GAL3ST1: variants seen among roughly 807,000 people sequenced by gnomAD.
GAL3ST1 encodes the protein galactosylceramide sulfotransferase.
In GAL3ST1, 13 loss-of-function variants were observed where a neutral mutation model predicts 25.0. The ratio of observed to expected loss-of-function variants is 0.52; its 90% CI spans 0.34 to 0.83. The LOEUF (loss-of-function observed/expected upper bound fraction) is 0.83, where lower values mean the gene tolerates loss of function less well. Among genes scored for constraint, GAL3ST1 ranks in the 40% least tolerant of loss-of-function variants. The pLI is 0.02. For synonymous variants in GAL3ST1, 274 were observed against 277.8 expected (o/e 0.99, Z 0.14); for missense variants, 474 against 613.6 (o/e 0.77, Z 2.40).
Position 30,567,582 on chromosome 22 carries a change from C to T in GAL3ST1, c.-120+6884G>A, listed in dbSNP as rs541132304. ...GTGTGAGCCATGGAGCCCAGATGCA[C>T]GTGCTTCTTTGGGGACATATTTTGT... On this transcript the variant is annotated intron_variant, in intron 1 of 3. Transcript: ENST00000406361. Among the ~76,000 whole-genome samples the T allele has an allele frequency of 1.3e-3, 197 of 151,222 alleles. 1 individual carries two copies. Among genetic ancestry groups the T allele is most frequent in the Admixed American group, 1.9e-3 (29 of 15,198 alleles).
intron 1 of GAL3ST1, among the ~76,000 whole-genome samples, chr22:30,566,997 C>T (rs1361668311): frequency 1.3e-5 from 2 of 151,960 alleles, no homozygotes; most frequent in African/African-American, 4.8e-5. Flanking sequence ...CACTCTGTTG[C>T]CCAGGCTGGA....
intron 1 of GAL3ST1, among the ~76,000 whole-genome samples, chr22:30,559,171 T>G (rs772159085): frequency 2.6e-5 from 4 of 152,106 alleles, no homozygotes; most frequent in Admixed American, 2.6e-4. Flanking sequence ...AAAAAAAAAT[T>G]ATTCAAACTT....
chr22:30,556,015 C>T lies in GAL3ST1; in HGVS notation c.210G>A (p.Gly70=). The change falls in exon 4 of 4, where the codon GGG becomes GGA. Residue 70 remains glycine, a synonymous_variant. Coordinates refer to ENST00000406361, the MANE Select transcript of GAL3ST1 (RefSeq NM_001318104.2). The part of the protein sequence containing the change: ...EAVIRANGSA[G]ECQPRRNIVF... ...CGATGTTGCGCCGCGGCTGGCACTC[C>T]CCCGCCGAGCCGTTGGCCCGGATCA... is the stretch of plus-strand genomic sequence containing the variant. 1 of 1,612,588 alleles carries T rather than the reference C, an allele frequency of 6.2e-7. No individual in the cohort carries two copies. Among genetic ancestry groups the T allele is most frequent in the South Asian group, 1.1e-5 (1 of 91,080 alleles).
rs752303085 is a variant in GAL3ST1 at position 30,555,307 on chromosome 22, G to T, written c.918C>A (p.His306Gln). ...RATAWNMLDS[H>Q]LYRHFNASFW... ...AGCTGGCGTTGAAGTGGCGGTAGAGGTGGGAGTCCAGCATGTTCCAGGCGG... is the reference window on the plus strand; with the variant it reads ...AGCTGGCGTTGAAGTGGCGGTAGAGTTGGGAGTCCAGCATGTTCCAGGCGG... The change falls in exon 4 of 4, where the codon CAC becomes CAA. Residue 306 changes from histidine to glutamine, a missense_variant. His to Gln is a conservative substitution (Grantham distance 24). This residue lies in a region of GAL3ST1 where 359 missense variants were observed against 504.4 expected (regional missense o/e 0.71). Transcript: ENST00000406361. This position sits in a 1 kb window ranked among gnomAD's most constrained non-coding sequence, Gnocchi z 8.6. 6 of 1,604,202 alleles carry T rather than the reference G, an allele frequency of 3.7e-6. No homozygotes were observed. In the African/African-American group the frequency reaches 5.3e-5, roughly 14 times the overall value.
chr22:30,557,153 G>A lies in GAL3ST1; in HGVS notation c.131+109C>T, dbSNP rs1301055806. The A allele has an allele frequency of 3.6e-6, 4 of 1,116,796 alleles. No homozygotes were observed. In the African/African-American group the frequency reaches 6.2e-5, roughly 17 times the overall value. 69.2% of individuals were successfully genotyped at this position (1,116,796 alleles called of 1,614,324 possible). On this transcript the variant is annotated intron_variant, in intron 3 of 3. Coordinates refer to ENST00000406361, the MANE Select transcript of GAL3ST1 (RefSeq NM_001318104.2). Reference sequence around the variant, plus strand: ...CACAGCATGGTGCAGGGTGCAGGGTGGCTACCCAAGATCACTGGGGCAGGC... The same window carrying A: ...CACAGCATGGTGCAGGGTGCAGGGTAGCTACCCAAGATCACTGGGGCAGGC...
At position 30,557,462 on chromosome 22, in the gene GAL3ST1, G is replaced by C. The variant is rs754573941; in HGVS notation, c.-9-61C>G. 5 of 1,593,966 alleles carry C rather than the reference G, an allele frequency of 3.1e-6. No homozygotes were observed. In the African/African-American group the frequency reaches 4.0e-5, roughly 13 times the overall value. On this transcript the variant is annotated intron_variant, in intron 2 of 3. Coordinates refer to ENST00000406361, the MANE Select transcript of GAL3ST1 (RefSeq NM_001318104.2). ...AAGCTGGCCCCAGGGAGCCCCCAAG[G>C]CTGCCCAGGCCTGGCAGTTGAGCCC...
intron 1 of GAL3ST1, among the ~76,000 whole-genome samples, chr22:30,569,616 G>A (rs941559006): frequency 6.6e-5 from 10 of 151,960 alleles, no homozygotes; most frequent in South Asian, 2.1e-4. Flanking sequence ...AGAGGTAGGC[G>A]GGGAGCTGGG....
chr22:30,564,328 T>A (rs1252822608), intron 1 of GAL3ST1, among the ~76,000 whole-genome samples: 1 of 152,144 alleles, frequency 6.6e-6, no homozygotes, highest in Non-Finnish European at 1.5e-5. Flanking sequence ...GGCAGCCAAG[T>A]CCAGGGATGA....
Position 30,565,214 on chromosome 22 carries a change from CAG to C in GAL3ST1, c.-119-6828_-119-6827del, listed in dbSNP as rs945510999. ...ACAGGCTCTAAGGCTGAGTGAGGGACAGAGAGGTGCAGGTGGGCTGGGGTGCC... is the reference window on the plus strand; with the variant it reads ...ACAGGCTCTAAGGCTGAGTGAGGGACAGAGGTGCAGGTGGGCTGGGGTGCC... On this transcript the variant is annotated intron_variant, in intron 1 of 3. Transcript: ENST00000406361. 47 of 152,430 alleles carry C rather than the reference CAG, an allele frequency of 3.1e-4. 1 individual carries two copies. Among genetic ancestry groups the C allele is most frequent in the Admixed American group, 3.0e-3 (46 of 15,306 alleles). 9.4% of individuals were successfully genotyped at this position (152,430 alleles called of 1,614,324 possible).
chr22:30,555,702 G>A lies in GAL3ST1; in HGVS notation c.523C>T (p.His175Tyr). 1 of 1,613,948 alleles carries A rather than the reference G, an allele frequency of 6.2e-7. No individual in the cohort carries two copies. The highest frequency in any genetic ancestry group is 8.5e-7 in the Non-Finnish European group (1 of 1,180,042). The change falls in exon 4 of 4, where the codon CAC becomes TAC. Residue 175 changes from histidine to tyrosine, a missense_variant. His to Tyr is a moderately conservative substitution (Grantham distance 83). Around this residue, in one of 2 missense-constraint regions of GAL3ST1, gnomAD observed 359 missense variants for 504.4 expected, o/e 0.71. Coordinates refer to ENST00000406361, the MANE Select transcript of GAL3ST1 (RefSeq NM_001318104.2). This position sits in a 1 kb window ranked among gnomAD's most constrained non-coding sequence, Gnocchi z 8.6. Reference protein sequence around the residue: ...DPARLFESSFHYFGPVVPLTW... With the variant: ...DPARLFESSFYYFGPVVPLTW... The stretch of plus-strand genomic sequence containing the variant: ...AGGGGCACCACCGGCCCGAAGTAGT[G>A]GAAGGAGGACTCGAACAAGCGGGCG...
intron 1 of GAL3ST1, among the ~76,000 whole-genome samples, chr22:30,564,560 G>A (rs1285995707): frequency 6.6e-6 from 1 of 152,166 alleles, no homozygotes; most frequent in Non-Finnish European, 1.5e-5. Flanking sequence ...ATCTATTCCT[G>A]CCCTTCTAGA....
Position 30,555,048 on chromosome 22 carries a change from T to C in GAL3ST1, c.1177A>G (p.Met393Val). ...AGGTACTGGATCTCGGGCGTGAGCA[T>C]GCGCCGGCAGAGCTGCGCGTGCCGC... is the stretch of plus-strand genomic sequence containing the variant. The part of the protein sequence containing the change: ...GQRHAQLCRR[M>V]LTPEIQYLMD... Residue 393 changes from methionine to valine, a missense_variant, in exon 4 of 4, where the codon ATG (methionine) becomes GTG (valine). Around this residue, in one of 2 missense-constraint regions of GAL3ST1, gnomAD observed 359 missense variants for 504.4 expected, o/e 0.71. Transcript: ENST00000406361. This position sits in a 1 kb window ranked among gnomAD's most constrained non-coding sequence, Gnocchi z 8.6. The C allele has an allele frequency of 1.2e-6, 2 of 1,612,078 alleles. No homozygotes were observed. The highest frequency in any genetic ancestry group is 1.7e-6 in the Non-Finnish European group (2 of 1,179,090).
Position 30,555,414 on chromosome 22 carries a change from C to T in GAL3ST1, c.811G>A (p.Glu271Lys), listed in dbSNP as rs2146326182. 1 of 1,610,792 alleles carries T rather than the reference C, an allele frequency of 6.2e-7. No homozygotes were observed. The highest frequency in any genetic ancestry group is 8.5e-7 in the Non-Finnish European group (1 of 1,179,924). ...TTGAGCTTGAAGTAGAGCACGTCCT[C>T]CAGCTCCCAGCACAGCAGGTCCTTC... is the stretch of plus-strand genomic sequence containing the variant. Reference protein sequence around the residue: ...LLKDLLCWELEDVLYFKLNAR... With the variant: ...LLKDLLCWELKDVLYFKLNAR... The change falls in exon 4 of 4, where the codon GAG (glutamate) becomes AAG (lysine). Residue 271 changes from glutamate (E) to lysine (K), a missense_variant. This residue lies in a region of GAL3ST1 where 359 missense variants were observed against 504.4 expected (regional missense o/e 0.71). Transcript: ENST00000406361. The surrounding 1 kb of genome is among the most constrained non-coding windows in gnomAD (Gnocchi z 8.6).
chr22:30,562,934 C>A (rs1372103853), intron 1 of GAL3ST1, among the ~76,000 whole-genome samples: 2 of 151,958 alleles, frequency 1.3e-5, no homozygotes, highest in African/African-American at 4.8e-5. Context: ...GGCCAACATG[C>A]TGAAACACCG....
At chr22:30,561,448 C>T (rs2086405189) in intron 1 of GAL3ST1, among the ~76,000 whole-genome samples, 1 of 152,246 alleles carries the variant, frequency 6.6e-6, no homozygotes, top group Non-Finnish European at 1.5e-5. Flanking sequence ...CCCCACCCTG[C>T]TGTCACCCCC....
chr22:30,555,994 G>A lies in GAL3ST1; in HGVS notation c.231C>T (p.Asn77=), dbSNP rs778388454. The A allele has an allele frequency of 5.6e-6, 9 of 1,612,750 alleles. No homozygotes were observed. Among genetic ancestry groups the A allele is most frequent in the South Asian group, 1.1e-5 (1 of 91,084 alleles). The part of the protein sequence containing the change: ...GSAGECQPRR[N]IVFLKTHKTA... ...TCTTGTGCGTCTTCAAGAACACGAT[G>A]TTGCGCCGCGGCTGGCACTCCCCCG... is the stretch of plus-strand genomic sequence containing the variant. Residue 77 remains asparagine, a synonymous_variant, in exon 4 of 4, where the codon AAC becomes AAT. Coordinates refer to ENST00000406361, the MANE Select transcript of GAL3ST1 (RefSeq NM_001318104.2). The surrounding 1 kb of genome is among the most constrained non-coding windows in gnomAD (Gnocchi z 8.6).
At chr22:30,571,139 ACT>A (rs2086773635) in intron 1 of GAL3ST1, among the ~76,000 whole-genome samples, 1 of 152,082 alleles carries the variant, frequency 6.6e-6, no homozygotes, top group Admixed American at 6.6e-5. Context: ...GAGGCAAGAC[ACT>A]CTGCCCTCTC....
intron 1 of GAL3ST1, among the ~76,000 whole-genome samples, chr22:30,566,860 T>C (rs986610876): frequency 2.0e-5 from 3 of 152,276 alleles, no homozygotes; most frequent in South Asian, 2.1e-4. Flanking sequence ...CTGCCCACCT[T>C]AGCCTCCCAA....
At chr22:30,566,898 C>T (rs1317529118) in intron 1 of GAL3ST1, among the ~76,000 whole-genome samples, 2 of 152,072 alleles carry the variant, frequency 1.3e-5, no homozygotes, top group East Asian at 1.9e-4. Flanking sequence ...CGTGAGCCAC[C>T]ACGCCCAGCC....
Sources: gnomAD v4.1 joint callset for allele counts (sites outside exome capture counted in the v4.1 genomes callset) on GRCh38, gnomAD v4.1.1 for gene constraint, gnomAD v4.1.1 regional missense constraint, Gnocchi (gnomAD v3.1) non-coding constraint, MANE v1.5 for transcripts, NCBI Gene and HGNC (gene_info 2026-07-23, HGNC 2026-07-21) for gene names.